Variants in CDC7 observed in about 807,000 individuals in gnomAD.
CDC7 encodes the protein cell division cycle 7-related protein kinase.
In CDC7, 34 loss-of-function variants were observed where a neutral mutation model predicts 53.5. That is an observed-to-expected ratio of 0.64 (90% CI 0.48 to 0.85). The LOEUF is 0.85. CDC7 is among the 40% of genes least tolerant of loss of function. CDC7 has a pLI of 0.00. For missense variants in CDC7, 594 were observed against 679.7 expected, an observed-to-expected ratio of 0.87 and a Z score of 1.40; for synonymous variants, 211 against 222.8, an observed-to-expected ratio of 0.95 and a Z score of 0.47.
At chr1:91,516,072 C>T (rs1027731629) in intron 10 of CDC7, among the ~76,000 whole-genome samples, 196 bp downstream of exon 10, 1 of 151,946 alleles carries the variant, frequency 6.6e-6, no homozygotes, top group African/African-American at 2.4e-5. Context: ...AATGTTGCCT[C>T]TCTTTTTTTG....
intron 11 of CDC7, among the ~76,000 whole-genome samples, chr1:91,520,918 G>A (rs746337717): frequency 2.0e-4 from 30 of 152,162 alleles, no homozygotes; most frequent in South Asian, 4.1e-4. Flanking sequence ...AGACTGGGAT[G>A]TGCAGTGTAC....
At chr1:91,513,375 G>A in intron 7 of CDC7, 68 bp downstream of exon 7, 1 of 1,421,548 alleles carries the variant, frequency 7.0e-7, no homozygotes, top group South Asian at 1.2e-5. Context: ...CCAACAGAGG[G>A]AGATAGAATA....
At position 91,514,483 on chromosome 1, in the gene CDC7, G is replaced by A. The variant is rs531868371; in HGVS notation, c.919-336G>A. Among the ~76,000 whole-genome samples the A allele has an allele frequency of 2.0e-5, 3 of 152,296 alleles. No homozygotes were observed. The East Asian group carries it at 5.8e-4, about 29-fold the overall frequency. ...GCAACAAATTAAAACTGTGATTTTAGCCAACGTACTTGTGCAGTTTACAGT... is the reference window on the plus strand; with the variant it reads ...GCAACAAATTAAAACTGTGATTTTAACCAACGTACTTGTGCAGTTTACAGT... On this transcript the variant is annotated intron_variant, in intron 8 of 11. Transcript: ENST00000234626.
chr1:91,520,796 T>A (rs1390950900), intron 11 of CDC7, among the ~76,000 whole-genome samples: 1 of 152,180 alleles, frequency 6.6e-6, no homozygotes, highest in Non-Finnish European at 1.5e-5. Flanking sequence ...TCAGGTTGTG[T>A]AGGTTTACGG....
chr1:91,520,091 G>C (rs1458600374), intron 10 of CDC7, 39 bp from the exon 11 acceptor site: 2 of 1,489,496 alleles, frequency 1.3e-6, no homozygotes, highest in East Asian at 2.4e-5. Context: ...TAAAATTATA[G>C]ATTTGAAATT....
chr1:91,523,941 A>G (rs1668126336), intron 11 of CDC7, 100 bp from the exon 12 acceptor site: 1 of 777,466 alleles, frequency 1.3e-6, no homozygotes, highest in South Asian at 1.9e-5. Flanking sequence ...TCTATAAAGC[A>G]TATGTTTGAA....
intron 9 of CDC7, 117 bp from the exon 10 acceptor site, chr1:91,515,677 C>A: frequency 8.8e-7 from 1 of 1,134,662 alleles, no homozygotes. Flanking sequence ...TTTATAGTAA[C>A]ACTTATTATA....
At chr1:91,516,893 C>T (rs1667587477) in intron 10 of CDC7, among the ~76,000 whole-genome samples, 1 of 152,180 alleles carries the variant, frequency 6.6e-6, no homozygotes, top group South Asian at 2.1e-4. Flanking sequence ...GGTGAAACCC[C>T]ATCTCTACTA....
rs567313615 is a variant in CDC7 at position 91,519,061 on chromosome 1, GA to G, written c.1181-1054del. Among the ~76,000 whole-genome samples, 840 of 112,182 alleles carry G rather than the reference GA, an allele frequency of 7.5e-3. 3 individuals are homozygous for G. Among genetic ancestry groups the G allele is most frequent in the South Asian group, 0.021 (74 of 3,582 alleles). The allele number at this position is 112,182 out of a possible 152,430, so 73.6% of individuals were successfully genotyped here. ...GGGTAACAGAGCCAGACCCCATCTC[GA>G]AAAAAAAAAAAAAAGAATGAATTAA... On this transcript the variant is annotated intron_variant, in intron 10 of 11. Coordinates refer to ENST00000234626, the MANE Select transcript of CDC7 (RefSeq NM_003503.4).
At chr1:91,515,985 A>C in intron 10 of CDC7, 109 bp downstream of exon 10, 1 of 905,600 alleles carries the variant, frequency 1.1e-6, no homozygotes, top group East Asian at 2.7e-5. Flanking sequence ...TTCTGCTTTT[A>C]ATTATGTAAG....
At chr1:91,517,592 A>G (rs1429008155) in intron 10 of CDC7, among the ~76,000 whole-genome samples, 1 of 152,176 alleles carries the variant, frequency 6.6e-6, no homozygotes, top group East Asian at 1.9e-4. Context: ...TTCCAGCAGA[A>G]TCAAAGTTAA....
chr1:91,511,049 A>G (rs1177185093), intron 4 of CDC7, among the ~76,000 whole-genome samples: 1 of 152,126 alleles, frequency 6.6e-6, no homozygotes, highest in African/African-American at 2.4e-5. Flanking sequence ...AGATAACTCT[A>G]TCAAAATGAT....
At chr1:91,506,685 C>T (rs1291165302) in intron 2 of CDC7, among the ~76,000 whole-genome samples, 1 of 152,144 alleles carries the variant, frequency 6.6e-6, no homozygotes, top group African/African-American at 2.4e-5. Flanking sequence ...TGCGGCGGCT[C>T]ACACCTGTAA....
At chr1:91,504,613 A>G (rs1666885922) in intron 2 of CDC7, among the ~76,000 whole-genome samples, 1 of 152,142 alleles carries the variant, frequency 6.6e-6, no homozygotes, top group African/African-American at 2.4e-5. Context: ...TATGGGTACC[A>G]TCTTTGTTTG....
rs13447533 is a variant in CDC7 at position 91,518,793 on chromosome 1, T to C, written c.1181-1337T>C. Among the ~76,000 whole-genome samples the C allele has an allele frequency of 8.4e-3, 1,280 of 151,966 alleles. 6 individuals carry two copies. Among genetic ancestry groups the C allele is most frequent in the Middle Eastern group, 0.014 (4 of 292 alleles). On this transcript the variant is annotated intron_variant, in intron 10 of 11. Coordinates refer to ENST00000234626, the MANE Select transcript of CDC7 (RefSeq NM_003503.4). ...AGCTGATGGGTACAAAAAATAGTTA[T>C]AAAGAATGAATTATCCAGCACTTTG...
rs1398392279 is a variant in CDC7 at position 91,524,764 on chromosome 1, T to C, written c.*329T>C. ...AGTTTTAGTTTTAATTAATTAAAATTAACAGATGTGATGAGGATTAAATGA... is the reference window on the plus strand; with the variant it reads ...AGTTTTAGTTTTAATTAATTAAAATCAACAGATGTGATGAGGATTAAATGA... On this transcript the variant is annotated 3_prime_UTR_variant, in exon 12 of 12. Coordinates refer to ENST00000234626, the MANE Select transcript of CDC7 (RefSeq NM_003503.4). The C allele has an allele frequency of 5.0e-6, 1 of 201,172 alleles. No homozygotes were observed. Among genetic ancestry groups the C allele is most frequent in the Admixed American group, 5.5e-5 (1 of 18,214 alleles). The allele number at this position is 201,172 out of a possible 1,614,324, so 12.5% of individuals were successfully genotyped here.
chr1:91,513,537 CTA>C (rs1300196490), intron 7 of CDC7, among the ~76,000 whole-genome samples: 39 of 152,018 alleles, frequency 2.6e-4, no homozygotes, highest in African/African-American at 9.4e-4. Flanking sequence ...CTGTCATTAA[CTA>C]TTATGAAATC....
In CDC7 at chr1:91,525,282, C is replaced by T. The variant is rs1668206721; in HGVS notation, c.*847C>T. 1.3e-5 allele frequency: 2 copies of T among 151,952 alleles called. No individual in the cohort carries two copies. Among genetic ancestry groups the T allele is most frequent in the African/African-American group, 2.4e-5 (1 of 41,378 alleles). The allele number at this position is 151,952 out of a possible 1,614,324, so 9.4% of individuals were successfully genotyped here. ...TTTTGAGTTGTATATTTTTTCACAC[C>T]ATCTTAGATATAATTAGGTAGCTGC... On this transcript the variant is annotated 3_prime_UTR_variant, in exon 12 of 12. Coordinates refer to ENST00000234626, the MANE Select transcript of CDC7 (RefSeq NM_003503.4).
intron 6 of CDC7, among the ~76,000 whole-genome samples, chr1:91,512,299 A>C (rs927859393): frequency 1.3e-5 from 2 of 152,132 alleles, no homozygotes; most frequent in African/African-American, 4.8e-5. Context: ...GTGATTGGAA[A>C]GGGAAATTTG....
Sources: gnomAD v4.1 joint callset for allele counts (sites outside exome capture counted in the v4.1 genomes callset) on GRCh38, gnomAD v4.1.1 for gene constraint, MANE v1.5 for transcripts, NCBI Gene and HGNC (gene_info 2026-07-23, HGNC 2026-07-21) for gene names.